Variants in DGKG observed in about 807,000 individuals in gnomAD.
The protein encoded by DGKG is DAG kinase gamma.
Under a neutral mutation model 105.3 loss-of-function variants are expected in DGKG, and 78 were observed. The observed-to-expected ratio is 0.74, with a 90% confidence interval of 0.62 to 0.89. DGKG has a LOEUF of 0.89. Ranked by LOEUF, DGKG falls within the 40% of genes least tolerant of loss-of-function variation. The pLI is 0.00. For synonymous variants in DGKG, 346 were observed against 367.1 expected (o/e 0.94, Z 0.66); for missense variants, 958 against 1,020.1 (o/e 0.94, Z 0.83).
chr3:186,274,646 T>C (rs996596915), intron 10 of DGKG, among the ~76,000 whole-genome samples: 7 of 151,390 alleles, frequency 4.6e-5, no homozygotes, highest in Non-Finnish European at 7.4e-5. Context: ...TGTTTGGTTT[T>C]ATGATCTTGC....
intron 1 of DGKG, among the ~76,000 whole-genome samples, chr3:186,335,252 T>C (rs1271394743): frequency 6.6e-6 from 1 of 152,074 alleles, no homozygotes; most frequent in Non-Finnish European, 1.5e-5. Context: ...TTTTTTAATG[T>C]TTTTAGTAGA....
At chr3:186,297,624 C>T (rs1470810234) in intron 4 of DGKG, 141 bp from the exon 5 acceptor site, 3 of 659,606 alleles carry the variant, frequency 4.5e-6, no homozygotes, top group Non-Finnish European at 5.4e-6. Flanking sequence ...GGTTCATGCT[C>T]GCTTATTGGG....
At chr3:186,338,344 T>A (rs1254324717) in intron 1 of DGKG, among the ~76,000 whole-genome samples, 1 of 152,158 alleles carries the variant, frequency 6.6e-6, no homozygotes, top group African/African-American at 2.4e-5. Flanking sequence ...ATAGGAAGGC[T>A]TACTTTAGTT....
chr3:186,304,033 G>C (rs148553210), intron 3 of DGKG, among the ~76,000 whole-genome samples: 1 of 152,330 alleles, frequency 6.6e-6, no homozygotes, highest in Non-Finnish European at 1.5e-5. Context: ...ACCCAGCAGT[G>C]CCTGGCATTA....
At chr3:186,255,591 C>T (rs1018172238) in intron 17 of DGKG, among the ~76,000 whole-genome samples, 2 of 152,118 alleles carry the variant, frequency 1.3e-5, no homozygotes, top group Middle Eastern at 3.2e-3. Context: ...AGAGATGGGC[C>T]GGGACCTGAG....
chr3:186,245,366 C>T (rs866986338), intron 19 of DGKG, among the ~76,000 whole-genome samples: 2 of 152,144 alleles, frequency 1.3e-5, no homozygotes, highest in African/African-American at 4.8e-5. Flanking sequence ...AGACTCTGAC[C>T]ACGTTTCTCT....
intron 1 of DGKG, among the ~76,000 whole-genome samples, chr3:186,326,858 A>G (rs565145933): frequency 2.6e-5 from 4 of 152,274 alleles, no homozygotes; most frequent in African/African-American, 9.6e-5. Context: ...AGTCAAAACT[A>G]TATAGAAAGA....
Position 186,272,262 on chromosome 3 carries a change from CT to C in DGKG, c.991del (p.Ser331ValfsTer4). On this transcript the variant is annotated frameshift_variant, in exon 11 of 25. Coordinates refer to ENST00000265022, the MANE Select transcript of DGKG (RefSeq NM_001346.3). LOFTEE classifies it high-confidence loss of function. ...CVKTYSKAKR[S>X]GEVMQHAWVE... is the part of the protein sequence containing the mutation. ...GCAGTAGATGTCACCAACCTCACCA[CT>C]CCTTTTGGCTTTTGAGTACGTTTTG... 1 of 1,613,374 alleles carries C rather than the reference CT, an allele frequency of 6.2e-7. No homozygotes were observed. The highest frequency in any genetic ancestry group is 8.5e-7 in the Non-Finnish European group (1 of 1,179,316).
intron 5 of DGKG, 77 bp downstream of exon 5, chr3:186,297,344 G>T: frequency 1.8e-6 from 2 of 1,103,096 alleles, no homozygotes; most frequent in Non-Finnish European, 2.8e-6. Context: ...CAGCACTGTT[G>T]GTTAGGTTTC....
chr3:186,332,067 T>A (rs1725630510), intron 1 of DGKG, among the ~76,000 whole-genome samples: 1 of 152,140 alleles, frequency 6.6e-6, no homozygotes, highest in African/African-American at 2.4e-5. Context: ...ACCTAAGTGT[T>A]GAGCCTGTGC....
intron 1 of DGKG, among the ~76,000 whole-genome samples, chr3:186,355,164 T>C (rs1726847419): frequency 3.0e-5 from 1 of 32,806 alleles, no homozygotes; most frequent in Admixed American, 4.5e-4. Flanking sequence ...ATCACCACCA[T>C]CACCCCCACA....
chr3:186,232,483 T>G (rs1720200002), intron 20 of DGKG, among the ~76,000 whole-genome samples: 1 of 152,264 alleles, frequency 6.6e-6, no homozygotes, highest in Non-Finnish European at 1.5e-5. Context: ...AAAAATGATA[T>G]GTATAGCTTT....
chr3:186,272,199 T>C (rs1722347390), intron 11 of DGKG, 56 bp downstream of exon 11: 3 of 1,363,512 alleles, frequency 2.2e-6, no homozygotes, highest in South Asian at 1.2e-5. Context: ...TCCATGTTGA[T>C]GGACATGTTT....
At chr3:186,224,628 T>C (rs1415403462) in intron 20 of DGKG, among the ~76,000 whole-genome samples, 1 of 152,226 alleles carries the variant, frequency 6.6e-6, no homozygotes, top group Non-Finnish European at 1.5e-5. Context: ...TGCTTTTGCA[T>C]GATCTCAGCA....
intron 6 of DGKG, among the ~76,000 whole-genome samples, chr3:186,286,917 C>T (rs1382249007): frequency 3.3e-5 from 5 of 151,980 alleles, no homozygotes; most frequent in South Asian, 4.2e-4. Context: ...ACCTGTAATC[C>T]CAGCTACTTG....
intron 16 of DGKG, among the ~76,000 whole-genome samples, chr3:186,258,278 G>C (rs1360302624): frequency 1.3e-5 from 2 of 152,078 alleles, no homozygotes; most frequent in South Asian, 2.1e-4. Context: ...ACTCCTCTCG[G>C]GCTCTCCTGC....
At position 186,306,845 on chromosome 3, in the gene DGKG, T is replaced by C. The variant is rs149625238; in HGVS notation, c.144+56A>G. 8.2e-4 allele frequency: 1,026 copies of C among 1,245,686 alleles called. 11 individuals are homozygous for C. The South Asian group carries it at 9.4e-3, about 11-fold the overall frequency. The allele number at this position is 1,245,686 out of a possible 1,614,324, so 77.2% of individuals were successfully genotyped here. ...GAGTCTCCAAGAGGGAAACAAATTA[T>C]GGAAAGGCTAAAAAACACAGGGGTT... On this transcript the variant is annotated intron_variant, in intron 3 of 24. Transcript: ENST00000265022.
At chr3:186,238,508 C>G (rs189778038) in intron 20 of DGKG, among the ~76,000 whole-genome samples, 3 of 152,046 alleles carry the variant, frequency 2.0e-5, no homozygotes, top group Non-Finnish European at 4.4e-5. Context: ...TGCTAGACGA[C>G]GATTTCCTTG....
chr3:186,330,417 T>C (rs991368390), intron 1 of DGKG, among the ~76,000 whole-genome samples: 1 of 152,212 alleles, frequency 6.6e-6, no homozygotes, highest in African/African-American at 2.4e-5. Context: ...TTATGCCCTT[T>C]CTAGTTTCTT....
Sources: allele counts gnomAD v4.1 joint callset (sites outside exome capture counted in the v4.1 genomes callset), GRCh38; gene constraint gnomAD v4.1.1; transcripts MANE v1.5; gene names NCBI Gene and HGNC (gene_info 2026-07-23, HGNC 2026-07-21).